VPS35L: variants seen among roughly 807,000 people sequenced by gnomAD.
The protein encoded by VPS35L is VPS35 endosomal protein-sorting factor-like.
VPS35L carries 83 observed loss-of-function variants against 133.0 expected under a neutral mutation model. The observed-to-expected ratio is 0.62, with a 90% CI of 0.52 to 0.75. The LOEUF is 0.75. Ranked by LOEUF, VPS35L falls within the 30% of genes least tolerant of loss-of-function variation. The pLI is 0.00. For missense variants in VPS35L, 1,083 were observed against 1,206.8 expected, an observed-to-expected ratio of 0.90 and a Z score of 1.52; for synonymous variants, 423 against 449.9, an observed-to-expected ratio of 0.94 and a Z score of 0.76.
rs529981995 is a variant in VPS35L at position 19,667,056 on chromosome 16, C to T, written c.2222-2104C>T. Among the ~76,000 whole-genome samples, 4 of 151,654 alleles carry T rather than the reference C, an allele frequency of 2.6e-5. No homozygotes were observed. The East Asian group carries it at 5.8e-4, about 22-fold the overall frequency. On this transcript the variant is annotated intron_variant, in intron 26 of 30. Coordinates refer to ENST00000417362, the MANE Select transcript of VPS35L (RefSeq NM_020314.7). ...TCGGCTCACTGCAACCTCTGACCGA[C>T]GGGTTCAAGTGATTCTCCTGCCTCA...
chr16:19,619,896 G>T lies in VPS35L; in HGVS notation c.1224+3088G>T, dbSNP rs73535643. On this transcript the variant is annotated intron_variant, in intron 14 of 30. Coordinates refer to ENST00000417362, the MANE Select transcript of VPS35L (RefSeq NM_020314.7). ...GCCTAAAAGCTCTTTGATAATGGCC[G>T]CTATGAGTCACCTGCAGAGTAGAAC... Among the ~76,000 whole-genome samples the T allele has an allele frequency of 6.5e-3, 991 of 152,220 alleles. 14 individuals are homozygous for T. The highest frequency in any genetic ancestry group is 0.022 in the African/African-American group (906 of 41,526).
At chr16:19,599,993 A>G (rs1020846212) in intron 8 of VPS35L, among the ~76,000 whole-genome samples, 1 of 152,190 alleles carries the variant, frequency 6.6e-6, no homozygotes, top group Non-Finnish European at 1.5e-5. Flanking sequence ...GTGAGCTGTG[A>G]TCACGCCACT....
chr16:19,631,138 G>A (rs1182041390), intron 18 of VPS35L, among the ~76,000 whole-genome samples: 1 of 152,118 alleles, frequency 6.6e-6, no homozygotes, highest in East Asian at 1.9e-4. Flanking sequence ...CTTGATCTTG[G>A]ACTTCCCAGC....
chr16:19,556,019 G>T (rs900517926), intron 1 of VPS35L, among the ~76,000 whole-genome samples: 1 of 152,192 alleles, frequency 6.6e-6, no homozygotes, highest in Non-Finnish European at 1.5e-5. Flanking sequence ...GAAAACTTGA[G>T]TTTCCAGGCT....
intron 26 of VPS35L, among the ~76,000 whole-genome samples, chr16:19,662,635 A>T (rs1974525258): frequency 6.6e-6 from 1 of 151,628 alleles, no homozygotes; most frequent in Non-Finnish European, 1.5e-5. Flanking sequence ...TTAGGACCAC[A>T]TGAGTAAACA....
At chr16:19,614,093 G>C (rs1011604396) in intron 12 of VPS35L, among the ~76,000 whole-genome samples, 1 of 152,096 alleles carries the variant, frequency 6.6e-6, no homozygotes, top group Admixed American at 6.6e-5. Flanking sequence ...ACTCACAGCC[G>C]CTTCAGCTCA....
rs750976302 is a variant in VPS35L at position 19,691,442 on chromosome 16, G to C, written c.2617G>C (p.Glu873Gln). Residue 873 changes from glutamate (E) to glutamine (Q), a missense_variant, in exon 29 of 31, where the codon GAG becomes CAG. Glu to Gln is a conservative substitution (Grantham distance 29). Transcript: ENST00000417362. ...TGAGACGGTGATGGCTCAGATCCTAGAGCATCTGAAAACCCTGGCCAAGGA... is the reference window on the plus strand; with the variant it reads ...TGAGACGGTGATGGCTCAGATCCTACAGCATCTGAAAACCCTGGCCAAGGA... ...LCETVMAQIL[E>Q]HLKTLAKDEA... 2.2e-5 allele frequency: 35 copies of C among 1,613,864 alleles called. No individual in the cohort carries two copies. Among genetic ancestry groups the C allele is most frequent in the Admixed American group, 5.0e-5 (3 of 59,986 alleles).
intron 27 of VPS35L, among the ~76,000 whole-genome samples, chr16:19,670,255 T>C (rs1357776111): frequency 6.6e-6 from 1 of 152,218 alleles, no homozygotes; most frequent in Non-Finnish European, 1.5e-5. Context: ...AGGGTCTCCG[T>C]GTATGAATTT....
intron 9 of VPS35L, among the ~76,000 whole-genome samples, chr16:19,607,005 G>C (rs1251066188): frequency 6.6e-6 from 1 of 152,174 alleles, no homozygotes; most frequent in Admixed American, 6.5e-5. Flanking sequence ...TGGTGGGATG[G>C]AGCTCTAATC....
chr16:19,627,347 A>G (rs1973300049), intron 15 of VPS35L, among the ~76,000 whole-genome samples: 1 of 152,044 alleles, frequency 6.6e-6, no homozygotes, highest in African/African-American at 2.4e-5. Context: ...TACAACATGG[A>G]TCAATATCGT....
rs1414906172 is a variant in VPS35L at position 19,645,452 on chromosome 16, G to A, written c.1929+503G>A. 2.0e-5 allele frequency among the ~76,000 whole-genome samples: 3 copies of A among 152,108 alleles called. No individual in the cohort carries two copies. In the East Asian group the frequency reaches 5.8e-4, roughly 29 times the overall value. On this transcript the variant is annotated intron_variant, in intron 23 of 30. Coordinates refer to ENST00000417362, the MANE Select transcript of VPS35L (RefSeq NM_020314.7). ...CTACAGGCGCCCGGCACCACGCCCG[G>A]CTAATTTTTTGTATTTTTAGTAGAG...
At chr16:19,678,652 A>AT (rs1161021880) in intron 27 of VPS35L, among the ~76,000 whole-genome samples, 1 of 151,772 alleles carries the variant, frequency 6.6e-6, no homozygotes, top group Non-Finnish European at 1.5e-5. Flanking sequence ...TAATTTTTGT[A>AT]TTTTTAGTAT....
chr16:19,615,506 C>T (rs1375693600), intron 12 of VPS35L, among the ~76,000 whole-genome samples: 5 of 151,956 alleles, frequency 3.3e-5, no homozygotes, highest in Non-Finnish European at 5.9e-5. Flanking sequence ...AAAAATTAGC[C>T]AAGTGTCGTG....
chr16:19,604,040 T>G (rs2151540920), intron 9 of VPS35L, among the ~76,000 whole-genome samples: 1 of 152,154 alleles, frequency 6.6e-6, no homozygotes, highest in East Asian at 1.9e-4. Flanking sequence ...CCGAATCCAT[T>G]TATTTAATAT....
chr16:19,655,809 C>T (rs911216476), intron 26 of VPS35L, among the ~76,000 whole-genome samples: 3 of 152,190 alleles, frequency 2.0e-5, no homozygotes, highest in Non-Finnish European at 4.4e-5. Flanking sequence ...CTAGCAATGT[C>T]TCTCTTTTCT....
At chr16:19,685,447 G>C (rs1419748114) in intron 28 of VPS35L, among the ~76,000 whole-genome samples, 1 of 152,158 alleles carries the variant, frequency 6.6e-6, no homozygotes, top group Non-Finnish European at 1.5e-5. Flanking sequence ...ATGGAAATTT[G>C]CATGTGGCCA....
At chr16:19,606,214 T>C (rs1258734701) in intron 9 of VPS35L, among the ~76,000 whole-genome samples, 1 of 152,220 alleles carries the variant, frequency 6.6e-6, no homozygotes, top group Non-Finnish European at 1.5e-5. Context: ...TCTCAGTTCC[T>C]TCAGCTAGAC....
chr16:19,602,492 C>A (rs1463709585), intron 9 of VPS35L, among the ~76,000 whole-genome samples: 1 of 152,074 alleles, frequency 6.6e-6, no homozygotes, highest in Non-Finnish European at 1.5e-5. Context: ...TTTCCTCTTT[C>A]CTTTATTCCT....
In VPS35L at chr16:19,606,346, CAAAT is replaced by C. The variant is rs368411623; in HGVS notation, c.785-1831_785-1828del. On this transcript the variant is annotated intron_variant, in intron 9 of 30. Transcript: ENST00000417362. ...TCCCTCTCCCCAAAGAGAAGATTGA[CAAAT>C]GAATGTAAGAATAACTGCTATCTTT... is the stretch of plus-strand genomic sequence containing the variant. 4.4e-4 allele frequency among the ~76,000 whole-genome samples: 67 copies of C among 152,258 alleles called. 1 individual carries two copies. The East Asian group carries it at 0.011, about 25-fold the overall frequency.
Sources: allele counts gnomAD v4.1 joint callset (sites outside exome capture counted in the v4.1 genomes callset), GRCh38; gene constraint gnomAD v4.1.1; transcripts MANE v1.5; gene names NCBI Gene and HGNC (gene_info 2026-07-23, HGNC 2026-07-21).